Variants in SCAPER observed in about 807,000 individuals in gnomAD.
The protein encoded by SCAPER is S phase cyclin A-associated protein in the endoplasmic reticulum.
Under a neutral mutation model 182.2 loss-of-function variants are expected in SCAPER, and 98 were observed. The observed-to-expected ratio is 0.54, with a 90% CI of 0.46 to 0.64. SCAPER has a LOEUF of 0.64. SCAPER is among the 30% of genes least tolerant of loss of function. The pLI is 0.00. For synonymous variants in SCAPER, 605 were observed against 564.6 expected (o/e 1.07, Z -1.01); for missense variants, 1,432 against 1,690.0 (o/e 0.85, Z 2.68).
At chr15:76,827,820 C>T (rs1404940631) in intron 5 of SCAPER, among the ~76,000 whole-genome samples, 2 of 152,064 alleles carry the variant, frequency 1.3e-5, no homozygotes, top group African/African-American at 4.8e-5. Context: ...TGGTATAATA[C>T]CTATGTCTAG....
intron 25 of SCAPER, among the ~76,000 whole-genome samples, chr15:76,452,818 A>C (rs1280474910): frequency 1.3e-5 from 2 of 152,170 alleles, no homozygotes; most frequent in Non-Finnish European, 2.9e-5. Flanking sequence ...CAACTATTAG[A>C]ATAACTGCAA....
At chr15:76,896,771 C>T (rs1222408840) in intron 1 of SCAPER, among the ~76,000 whole-genome samples, 2 of 151,968 alleles carry the variant, frequency 1.3e-5, no homozygotes, top group East Asian at 3.9e-4. Context: ...CAAAATAATA[C>T]CAGCAATCCA....
chr15:76,434,290 A>G lies in SCAPER; in HGVS notation c.3099T>C (p.Asn1033=), dbSNP rs2047051730. The part of the protein sequence containing the change: ...HQLTVYVPDE[N]NTILGRNTNK... ...TTGTATTTCTCCCCAAAATAGTATTATTTTCATCTGGAACATAAACCTAGA... is the reference window on the plus strand; with the variant it reads ...TTGTATTTCTCCCCAAAATAGTATTGTTTTCATCTGGAACATAAACCTAGA... Residue 1033 remains asparagine (N), a synonymous_variant, in exon 26 of 32, where the codon AAT becomes AAC. Coordinates refer to ENST00000563290, the MANE Select transcript of SCAPER (RefSeq NM_020843.4). The G allele has an allele frequency of 2.5e-6, 4 of 1,609,940 alleles. No individual in the cohort carries two copies. The highest frequency in any genetic ancestry group is 3.4e-6 in the Non-Finnish European group (4 of 1,177,912).
chr15:76,903,789 G>A (rs1049380038), intron 1 of SCAPER, among the ~76,000 whole-genome samples: 1 of 152,148 alleles, frequency 6.6e-6, no homozygotes, highest in Non-Finnish European at 1.5e-5. Flanking sequence ...CTTACCATGG[G>A]CTAGGAACAG....
chr15:76,527,167 C>T (rs552550007), intron 23 of SCAPER, among the ~76,000 whole-genome samples: 1 of 152,314 alleles, frequency 6.6e-6, no homozygotes, highest in South Asian at 2.1e-4. Context: ...CGAGCCATCA[C>T]GCCCAACCCA....
chr15:76,376,667 C>T (rs991944461), intron 28 of SCAPER, among the ~76,000 whole-genome samples: 7 of 152,164 alleles, frequency 4.6e-5, no homozygotes, highest in African/African-American at 1.7e-4. Flanking sequence ...ACCTAAAATT[C>T]ACCTGTAAAT....
chr15:76,425,130 C>T (rs1259565592), intron 26 of SCAPER, among the ~76,000 whole-genome samples: 1 of 151,624 alleles, frequency 6.6e-6, no homozygotes, highest in Non-Finnish European at 1.5e-5. Context: ...ATCTTTGTGG[C>T]CGTCTGTATT....
chr15:76,637,722 T>TTATATATATATATATATA (rs369760680), intron 21 of SCAPER, among the ~76,000 whole-genome samples: 12 of 77,840 alleles, frequency 1.5e-4, no homozygotes, highest in African/African-American at 5.7e-4. Flanking sequence ...ATATATGTGA[T>TTATATATATATATATATA]TATATATATA....
chr15:76,743,250 TG>T (rs554420606), intron 15 of SCAPER, among the ~76,000 whole-genome samples: 429 of 152,204 alleles, frequency 2.8e-3, no homozygotes, highest in African/African-American at 0.01. Flanking sequence ...TTTGTAGAAA[TG>T]GAATACATGT....
intron 29 of SCAPER, among the ~76,000 whole-genome samples, chr15:76,355,354 CTG>C (rs1391451724): frequency 6.6e-6 from 1 of 152,210 alleles, no homozygotes; most frequent in African/African-American, 2.4e-5. Context: ...AAGACTTGCA[CTG>C]TGTGACAATT....
chr15:76,405,935 T>C (rs2044795258), intron 26 of SCAPER, among the ~76,000 whole-genome samples: 1 of 152,212 alleles, frequency 6.6e-6, no homozygotes, highest in African/African-American at 2.4e-5. Flanking sequence ...AAGTTTACTA[T>C]GTTGAAGGTA....
chr15:76,638,144 T>C (rs1358866853), intron 21 of SCAPER, among the ~76,000 whole-genome samples: 2 of 152,174 alleles, frequency 1.3e-5, no homozygotes, highest in Non-Finnish European at 2.9e-5. Context: ...AATCTTAATT[T>C]TGATTTAATC....
chr15:76,761,677 T>C (rs2062796937), intron 14 of SCAPER, among the ~76,000 whole-genome samples: 1 of 152,218 alleles, frequency 6.6e-6, no homozygotes, highest in African/African-American at 2.4e-5. Context: ...TTCTTAAATT[T>C]CTAAAGACTT....
At chr15:76,832,426 A>G (rs897902500) in intron 5 of SCAPER, among the ~76,000 whole-genome samples, 3 of 152,266 alleles carry the variant, frequency 2.0e-5, no homozygotes, top group Admixed American at 6.5e-5. Context: ...AAGCATATAA[A>G]GAAAAAGGAA....
intron 25 of SCAPER, among the ~76,000 whole-genome samples, chr15:76,437,536 T>A (rs1020380308): frequency 5.9e-5 from 9 of 152,216 alleles, no homozygotes; most frequent in Non-Finnish European, 7.3e-5. Context: ...ACAACTTTCT[T>A]TTTCTTTTAC....
chr15:76,859,917 T>C (rs1243294450), intron 3 of SCAPER, among the ~76,000 whole-genome samples: 1 of 152,172 alleles, frequency 6.6e-6, no homozygotes, highest in Non-Finnish European at 1.5e-5. Flanking sequence ...GGTTTCACCA[T>C]GTTGCCCAGG....
intron 27 of SCAPER, among the ~76,000 whole-genome samples, chr15:76,390,217 A>G (rs1233631644): frequency 6.6e-6 from 1 of 152,146 alleles, no homozygotes; most frequent in Admixed American, 6.5e-5. Flanking sequence ...CACCTCTCAA[A>G]GTATTGGGAT....
At chr15:76,391,215 G>A (rs1395149134) in intron 27 of SCAPER, among the ~76,000 whole-genome samples, 1 of 152,160 alleles carries the variant, frequency 6.6e-6, no homozygotes, top group East Asian at 1.9e-4. Flanking sequence ...TTACATGCCT[G>A]GTTCCGTCTT....
At chr15:76,792,969 G>C (rs1456420687) in intron 8 of SCAPER, among the ~76,000 whole-genome samples, 1 of 152,206 alleles carries the variant, frequency 6.6e-6, no homozygotes, top group African/African-American at 2.4e-5. Flanking sequence ...GATTCAGCTA[G>C]CTCACTCCGT....
Sources: gnomAD v4.1 joint callset for allele counts (sites outside exome capture counted in the v4.1 genomes callset) on GRCh38, gnomAD v4.1.1 for gene constraint, MANE v1.5 for transcripts, NCBI Gene and HGNC (gene_info 2026-07-23, HGNC 2026-07-21) for gene names.